RBMS3: variants seen among roughly 807,000 people sequenced by gnomAD.
The protein encoded by RBMS3 is RNA binding motif single stranded interacting protein 3.
In RBMS3, 27 loss-of-function variants were observed where a neutral mutation model predicts 66.8. The ratio of observed to expected loss-of-function variants is 0.40; its 90% CI spans 0.30 to 0.56. The LOEUF (loss-of-function observed/expected upper bound fraction) is 0.56. RBMS3 is among the 20% of genes least tolerant of loss of function. The pLI, the probability that RBMS3 is intolerant of heterozygous loss-of-function variation, is 0.40. For synonymous variants in RBMS3, 188 were observed against 183.0 expected, an observed-to-expected ratio of 1.03 and a Z score of -0.22; for missense variants, 513 against 549.5, an observed-to-expected ratio of 0.93 and a Z score of 0.66.
chr3:29,445,590 G>T (rs903065376), intron 2 of RBMS3, among the ~76,000 whole-genome samples: 2 of 151,854 alleles, frequency 1.3e-5, no homozygotes, highest in East Asian at 3.9e-4. Context: ...TGACTTTTAG[G>T]GGCACACAAT....
At chr3:29,792,932 A>G (rs2057059561) in intron 6 of RBMS3, among the ~76,000 whole-genome samples, 1 of 152,174 alleles carries the variant, frequency 6.6e-6, no homozygotes, top group African/African-American at 2.4e-5. Context: ...ATGAACTATA[A>G]TTGAAATTCC....
intron 4 of RBMS3, among the ~76,000 whole-genome samples, chr3:29,683,028 A>G (rs1270834753): frequency 1.3e-5 from 2 of 152,216 alleles, no homozygotes; most frequent in Non-Finnish European, 2.9e-5. Context: ...TCAGAGAGGC[A>G]AATAGATACT....
chr3:29,496,822 T>C (rs1404394851), intron 3 of RBMS3, among the ~76,000 whole-genome samples: 1 of 152,230 alleles, frequency 6.6e-6, no homozygotes, highest in Non-Finnish European at 1.5e-5. Flanking sequence ...TTTATAGCTA[T>C]ATATTTACTC....
intron 10 of RBMS3, among the ~76,000 whole-genome samples, 192 bp from the exon 11 acceptor site, chr3:29,935,894 T>G (rs2061253477): frequency 6.6e-6 from 1 of 152,148 alleles, no homozygotes; most frequent in Non-Finnish European, 1.5e-5. Flanking sequence ...AGGAAGATGT[T>G]AATGCCATCT....
intron 1 of RBMS3, among the ~76,000 whole-genome samples, chr3:29,320,226 G>A (rs980924033): frequency 6.6e-6 from 1 of 151,934 alleles, no homozygotes; most frequent in African/African-American, 2.4e-5. Flanking sequence ...AGTAGACTAC[G>A]GTCAGCTGCA....
chr3:29,822,343 A>G (rs1463911571), intron 6 of RBMS3, among the ~76,000 whole-genome samples: 1 of 152,220 alleles, frequency 6.6e-6, no homozygotes, highest in African/African-American at 2.4e-5. Flanking sequence ...TAAGTAGTCC[A>G]AAACATTCTT....
intron 1 of RBMS3, among the ~76,000 whole-genome samples, chr3:29,345,195 C>G (rs1411874417): frequency 6.6e-5 from 10 of 152,130 alleles, no homozygotes; most frequent in Non-Finnish European, 1.5e-4. Flanking sequence ...TTTAAATGAT[C>G]TCTAGAGCTA....
chr3:29,754,155 T>C (rs1326195941), intron 5 of RBMS3, among the ~76,000 whole-genome samples: 1 of 152,104 alleles, frequency 6.6e-6, no homozygotes, highest in Non-Finnish European at 1.5e-5. Flanking sequence ...GGTTTCACCA[T>C]GTTGGCCAGG....
At chr3:29,856,899 C>T (rs1202447026) in intron 6 of RBMS3, among the ~76,000 whole-genome samples, 2 of 152,030 alleles carry the variant, frequency 1.3e-5, no homozygotes, top group African/African-American at 4.8e-5. Flanking sequence ...TTTCTAGGAC[C>T]TGGATTAAAT....
At chr3:29,981,668 T>C (rs1006995302) in intron 12 of RBMS3, among the ~76,000 whole-genome samples, 1 of 152,336 alleles carries the variant, frequency 6.6e-6, no homozygotes, top group Middle Eastern at 3.4e-3. Context: ...AGGCCTTTTC[T>C]GCATCTATCG....
intron 2 of RBMS3, among the ~76,000 whole-genome samples, chr3:29,451,004 G>C (rs1373639594): frequency 6.6e-6 from 1 of 151,732 alleles, no homozygotes; most frequent in African/African-American, 2.4e-5. Context: ...TTTCCTCAAA[G>C]GTAGGCACGG....
intron 8 of RBMS3, among the ~76,000 whole-genome samples, chr3:29,890,114 C>A (rs1019294992): frequency 4.0e-4 from 60 of 151,706 alleles, no homozygotes; most frequent in African/African-American, 1.3e-3. Context: ...TTATTTGATA[C>A]TTCTTTATAG....
chr3:29,696,347 T>C (rs1470780296), intron 4 of RBMS3, among the ~76,000 whole-genome samples: 2 of 152,174 alleles, frequency 1.3e-5, no homozygotes, highest in African/African-American at 4.8e-5. Flanking sequence ...GCATACAACA[T>C]AGAACACAGT....
At chr3:29,672,149 A>C (rs577181380) in intron 4 of RBMS3, among the ~76,000 whole-genome samples, 1 of 152,332 alleles carries the variant, frequency 6.6e-6, no homozygotes, top group East Asian at 1.9e-4. Flanking sequence ...CTTAAAGAAA[A>C]GAATTTTCAA....
chr3:29,323,551 C>A (rs2035131486), intron 1 of RBMS3, among the ~76,000 whole-genome samples: 1 of 151,920 alleles, frequency 6.6e-6, no homozygotes, highest in Non-Finnish European at 1.5e-5. Context: ...CTCCAGCACA[C>A]ATAGTAAAAT....
intron 4 of RBMS3, among the ~76,000 whole-genome samples, chr3:29,681,582 CT>C (rs2051499227): frequency 6.6e-6 from 1 of 151,270 alleles, no homozygotes; most frequent in Admixed American, 6.6e-5. Context: ...TCAGCTCCCA[CT>C]TGTAAGTGAG....
chr3:29,997,811 C>T lies in RBMS3; in HGVS notation c.1308-6045C>T, dbSNP rs1699346522. Among the ~76,000 whole-genome samples, 4 of 152,192 alleles carry T rather than the reference C, an allele frequency of 2.6e-5. No individual in the cohort carries two copies. The South Asian group carries it at 8.3e-4, about 32-fold the overall frequency. Reference sequence around the variant, plus strand: ...TCTATGACAAACCCACAGCCAATATCATACTGAATGGGCAAAAACTGGAAG... The same window carrying T: ...TCTATGACAAACCCACAGCCAATATTATACTGAATGGGCAAAAACTGGAAG... On this transcript the variant is annotated intron_variant, in intron 14 of 14. Coordinates refer to ENST00000383767, the MANE Select transcript of RBMS3 (RefSeq NM_001003793.3).
chr3:29,710,121 G>T (rs944084664), intron 4 of RBMS3, among the ~76,000 whole-genome samples: 1 of 152,176 alleles, frequency 6.6e-6, no homozygotes, highest in Non-Finnish European at 1.5e-5. Context: ...TTTTAAAGAA[G>T]AAACCGTTTA....
At chr3:29,523,828 C>T (rs776961330) in intron 3 of RBMS3, among the ~76,000 whole-genome samples, 1 of 152,134 alleles carries the variant, frequency 6.6e-6, no homozygotes, top group South Asian at 2.1e-4. Context: ...TCTACCTGTC[C>T]AGCTCAAGCA....
Sources: allele counts gnomAD v4.1 joint callset (sites outside exome capture counted in the v4.1 genomes callset), GRCh38; gene constraint gnomAD v4.1.1; transcripts MANE v1.5; gene names NCBI Gene and HGNC (gene_info 2026-07-23, HGNC 2026-07-21).